Variants in PATJ observed in about 807,000 individuals in gnomAD.
PATJ encodes the protein PATJ crumbs cell polarity complex component.
In PATJ, 190 loss-of-function variants were observed where a neutral mutation model predicts 224.9. That is an observed-to-expected ratio of 0.84 (90% CI 0.75 to 0.95). The LOEUF (loss-of-function observed/expected upper bound fraction) is 0.95, where lower values mean the gene tolerates loss of function less well. Among genes scored for constraint, PATJ ranks in the 40% least tolerant of loss-of-function variants. The pLI is 0.00. For missense variants in PATJ, 2,121 were observed against 2,270.3 expected, an observed-to-expected ratio of 0.93 and a Z score of 1.34; for synonymous variants, 769 against 820.3, an observed-to-expected ratio of 0.94 and a Z score of 1.07.
At chr1:62,125,236 C>CAAAAAAAA (rs761278812) in intron 39 of PATJ, among the ~76,000 whole-genome samples, 558 of 27,704 alleles carry the variant, frequency 0.02, 43 homozygotes, top group East Asian at 0.062. Flanking sequence ...AACCCTGTCT[C>CAAAAAAAA]AAAAAAAAAA....
rs544474117 is a variant in PATJ, at chr1:61,901,264, T to G, written c.3204-18T>G. 40 of 1,478,520 alleles carry G rather than the reference T, an allele frequency of 2.7e-5. No homozygotes were observed. The South Asian group carries it at 4.6e-4, about 17-fold the overall frequency. 91.6% of individuals were successfully genotyped at this position (1,478,520 alleles called of 1,614,324 possible). A position where few individuals can be genotyped will look rare whatever the true frequency, so the allele number is the denominator to read the frequency against. ...TAAACTTGTTGATGAGTGAGTTTTG[T>G]TTTTTTCCTTTATATAGTGTTGAGA... On this transcript the variant is annotated intron_variant, in intron 23 of 43. Transcript: ENST00000642238.
At chr1:61,877,744 TAA>T (rs1168638780) in intron 21 of PATJ, among the ~76,000 whole-genome samples, 1 of 152,206 alleles carries the variant, frequency 6.6e-6, no homozygotes, top group Non-Finnish European at 1.5e-5. Flanking sequence ...GTTTTCTTTA[TAA>T]ATTACCCAGT....
chr1:61,869,185 C>T (rs1389989152), intron 20 of PATJ, among the ~76,000 whole-genome samples: 16 of 143,224 alleles, frequency 1.1e-4, no homozygotes, highest in Admixed American at 8.3e-4. Flanking sequence ...CGGCTCACTG[C>T]AAGCTCCGCC....
intron 27 of PATJ, among the ~76,000 whole-genome samples, chr1:61,956,130 G>T (rs535850860): frequency 6.6e-6 from 1 of 152,194 alleles, no homozygotes; most frequent in Non-Finnish European, 1.5e-5. Context: ...GGCATCACAC[G>T]CTGCCCAGTA....
intron 7 of PATJ, among the ~76,000 whole-genome samples, chr1:61,779,492 T>C (rs1647126008): frequency 6.6e-6 from 1 of 152,246 alleles, no homozygotes. Context: ...GTCAACTGTT[T>C]GTATATGCTA....
chr1:61,799,931 T>A (rs1652122811), intron 11 of PATJ, among the ~76,000 whole-genome samples: 1 of 152,140 alleles, frequency 6.6e-6, no homozygotes, highest in Non-Finnish European at 1.5e-5. Flanking sequence ...AAACAAAACA[T>A]AGTTTCATTC....
At chr1:61,907,817 A>G (rs539796680) in intron 24 of PATJ, among the ~76,000 whole-genome samples, 31 of 152,254 alleles carry the variant, frequency 2.0e-4, no homozygotes, top group Non-Finnish European at 3.1e-4. Context: ...GAAATTTTCT[A>G]TAATAAGGAA....
At chr1:61,815,693 A>T (rs756033529) in intron 14 of PATJ, among the ~76,000 whole-genome samples, 89 of 152,246 alleles carry the variant, frequency 5.8e-4, no homozygotes, top group Middle Eastern at 6.8e-3. Context: ...CTATATTTTT[A>T]AAAAAAGAAG....
At chr1:62,152,019 T>A (rs979506582) in intron 42 of PATJ, among the ~76,000 whole-genome samples, 2 of 151,968 alleles carry the variant, frequency 1.3e-5, no homozygotes, top group African/African-American at 4.8e-5. Flanking sequence ...CAGATTTTCT[T>A]TCTCCATTTT....
At chr1:62,022,620 G>A (rs1647150268) in intron 29 of PATJ, among the ~76,000 whole-genome samples, 1 of 152,202 alleles carries the variant, frequency 6.6e-6, no homozygotes, top group African/African-American at 2.4e-5. Context: ...GATCTTGCCT[G>A]CAGCTCTTGT....
intron 33 of PATJ, among the ~76,000 whole-genome samples, chr1:62,107,195 A>G (rs796708410): frequency 1.9e-4 from 29 of 151,978 alleles, no homozygotes; most frequent in African/African-American, 6.7e-4. Context: ...AGTCCCAGCT[A>G]CTCAGGAGGC....
intron 27 of PATJ, among the ~76,000 whole-genome samples, chr1:61,980,088 C>T (rs1337526255): frequency 2.0e-5 from 3 of 151,940 alleles, no homozygotes; most frequent in Non-Finnish European, 4.4e-5. Flanking sequence ...TGCGAAGATG[C>T]CATATTGTTA....
chr1:62,084,573 G>A lies in PATJ; in HGVS notation c.4302G>A (p.Gln1434=), dbSNP rs577300045. The A allele has an allele frequency of 1.7e-5, 27 of 1,613,424 alleles. No homozygotes were observed. The South Asian group carries it at 2.6e-4, about 16-fold the overall frequency. ...CAACGTGTCCCATTGTCCCTGGACAGGAAATGATTATAGAAATATCCAAGG... is the reference window on the plus strand; with the variant it reads ...CAACGTGTCCCATTGTCCCTGGACAAGAAATGATTATAGAAATATCCAAGG... ...DPATCPIVPG[Q]EMIIEISKGR... The change falls in exon 33 of 44, where the codon CAG becomes CAA. Residue 1434 remains glutamine (Q), a synonymous_variant. Coordinates refer to ENST00000642238, the MANE Select transcript of PATJ (RefSeq NM_001350145.3).
At chr1:61,919,151 CTTAA>C (rs1195271084) in intron 26 of PATJ, among the ~76,000 whole-genome samples, 3 of 151,150 alleles carry the variant, frequency 2.0e-5, no homozygotes, top group Admixed American at 6.6e-5. Context: ...CTTTTTTCTG[CTTAA>C]TTAATTTTGT....
intron 28 of PATJ, among the ~76,000 whole-genome samples, chr1:62,009,620 A>G (rs1488312760): frequency 6.6e-6 from 1 of 152,172 alleles, no homozygotes; most frequent in African/African-American, 2.4e-5. Context: ...CTTTCAGGAA[A>G]GATTTCTCAG....
chr1:61,800,308 T>C (rs1436955595), intron 11 of PATJ, among the ~76,000 whole-genome samples: 1 of 152,212 alleles, frequency 6.6e-6, no homozygotes, highest in Non-Finnish European at 1.5e-5. Flanking sequence ...TGATATGAGA[T>C]GGTATCTCAT....
chr1:62,119,949 C>T (rs1664861775), intron 37 of PATJ, among the ~76,000 whole-genome samples: 1 of 152,064 alleles, frequency 6.6e-6, no homozygotes, highest in South Asian at 2.1e-4. Context: ...TCAAAAATTA[C>T]AATACAATGC....
intron 33 of PATJ, among the ~76,000 whole-genome samples, chr1:62,088,322 C>G (rs1056965838): frequency 2.0e-5 from 3 of 152,180 alleles, no homozygotes; most frequent in Non-Finnish European, 4.4e-5. Context: ...CCAGACCAGA[C>G]CATCGTTCCC....
intron 27 of PATJ, among the ~76,000 whole-genome samples, chr1:61,963,313 G>T (rs780455598): frequency 5.3e-5 from 8 of 152,162 alleles, no homozygotes; most frequent in Non-Finnish European, 8.8e-5. Flanking sequence ...AAGGAAACCA[G>T]CCTGGGCGTG....
Sources: gnomAD v4.1 joint callset for allele counts (sites outside exome capture counted in the v4.1 genomes callset) on GRCh38, gnomAD v4.1.1 for gene constraint, MANE v1.5 for transcripts, NCBI Gene and HGNC (gene_info 2026-07-23, HGNC 2026-07-21) for gene names.